Variants in MYO1E observed in about 807,000 individuals in gnomAD.
MYO1E encodes unconventional myosin-Ie.
Under a neutral mutation model 151.1 loss-of-function variants are expected in MYO1E, and 68 were observed. That is an observed-to-expected ratio of 0.45 (90% CI 0.37 to 0.55). MYO1E has a LOEUF of 0.55. Ranked by LOEUF, MYO1E falls within the 20% of genes least tolerant of loss-of-function variation. The probability of loss-of-function intolerance (pLI) is 0.00; values close to 1 mark genes in which losing one functional copy is unlikely to be tolerated. For missense variants in MYO1E, 1,363 were observed against 1,389.3 expected, an observed-to-expected ratio of 0.98 and a Z score of 0.30; for synonymous variants, 601 against 501.7, an observed-to-expected ratio of 1.20 and a Z score of -2.64.
intron 2 of MYO1E, among the ~76,000 whole-genome samples, chr15:59,262,453 AAAAAAC>A (rs530509447): frequency 2.6e-5 from 4 of 152,084 alleles, no homozygotes; most frequent in Non-Finnish European, 5.9e-5. Flanking sequence ...TCCATCTCTA[AAAAAAC>A]AAAAACAAAA....
chr15:59,193,464 G>A lies in MYO1E; in HGVS notation c.1805+1997C>T, dbSNP rs572940249. Reference sequence around the variant, plus strand: ...CTGCTACCCTCTTAGTCTGAAAGGAGAAGCGGAACTATACATTTCAGAAAA... The same window carrying A: ...CTGCTACCCTCTTAGTCTGAAAGGAAAAGCGGAACTATACATTTCAGAAAA... On this transcript the variant is annotated intron_variant, in intron 17 of 27. Transcript: ENST00000288235. Among the ~76,000 whole-genome samples, 16 of 152,284 alleles carry A rather than the reference G, an allele frequency of 1.1e-4. No homozygotes were observed. In the East Asian group the frequency reaches 2.5e-3, roughly 24 times the overall value.
intron 23 of MYO1E, among the ~76,000 whole-genome samples, chr15:59,161,881 C>T (rs187652292): frequency 2.6e-5 from 4 of 151,184 alleles, no homozygotes; most frequent in East Asian, 3.9e-4. Context: ...TTTCTGATAT[C>T]ATAAGAAGGA....
At chr15:59,189,117 A>G (rs1229051754) in intron 17 of MYO1E, among the ~76,000 whole-genome samples, 1 of 152,140 alleles carries the variant, frequency 6.6e-6, no homozygotes, top group Non-Finnish European at 1.5e-5. Context: ...GCTACATTGT[A>G]GTGATGTGAT....
chr15:59,325,520 C>G (rs571352743), intron 1 of MYO1E, among the ~76,000 whole-genome samples: 1 of 152,182 alleles, frequency 6.6e-6, no homozygotes, highest in African/African-American at 2.4e-5. Context: ...TATTTCAACT[C>G]CAGATTTTAT....
chr15:59,226,875 A>T (rs1464693224), intron 7 of MYO1E, among the ~76,000 whole-genome samples: 1 of 152,198 alleles, frequency 6.6e-6, no homozygotes, highest in Non-Finnish European at 1.5e-5. Context: ...CATAATCAAA[A>T]AGCACCCTGC....
chr15:59,365,208 AG>A (rs1431397022), intron 1 of MYO1E, among the ~76,000 whole-genome samples: 1 of 151,834 alleles, frequency 6.6e-6, no homozygotes, highest in African/African-American at 2.4e-5. Context: ...TAGTAGAGAC[AG>A]GGTTTCACCA....
Position 59,137,260 on chromosome 15 carries a change from T to C in MYO1E, c.*120A>G, listed in dbSNP as rs912742065. The C allele has an allele frequency of 1.1e-6, 1 of 905,460 alleles. No individual in the cohort carries two copies. Among genetic ancestry groups the C allele is most frequent in the East Asian group, 2.5e-5 (1 of 39,958 alleles). The allele number at this position is 905,460 out of a possible 1,614,324, so 56.1% of individuals were successfully genotyped here. A position where few individuals can be genotyped will look rare whatever the true frequency, so the allele number is the denominator to read the frequency against. On this transcript the variant is annotated 3_prime_UTR_variant, in exon 28 of 28. Transcript: ENST00000288235. ...GTCCTCCATGGGGAAGGTACCAGAATAGCTCCAGGCCTTGGAGAAGCAATT... is the reference window on the plus strand; with the variant it reads ...GTCCTCCATGGGGAAGGTACCAGAACAGCTCCAGGCCTTGGAGAAGCAATT...
chr15:59,189,496 T>C (rs1263532180), intron 17 of MYO1E, among the ~76,000 whole-genome samples: 2 of 130,880 alleles, frequency 1.5e-5, no homozygotes, highest in African/African-American at 5.1e-5. Flanking sequence ...TTCTTTCCTT[T>C]CTTTTTCTTT....
At chr15:59,177,964 A>G (rs1180073637) in intron 19 of MYO1E, among the ~76,000 whole-genome samples, 7 of 152,210 alleles carry the variant, frequency 4.6e-5, no homozygotes, top group African/African-American at 1.7e-4. Flanking sequence ...CTTGGTGTCA[A>G]CTAACCATGG....
intron 1 of MYO1E, among the ~76,000 whole-genome samples, chr15:59,331,424 A>G (rs2080697324): frequency 6.6e-6 from 1 of 152,228 alleles, no homozygotes; most frequent in South Asian, 2.1e-4. Flanking sequence ...GGTCAGCAAC[A>G]TATCAGAAAA....
At position 59,176,238 on chromosome 15, in the gene MYO1E, T is replaced by C. The variant is rs537074214; in HGVS notation, c.2050-1998A>G. On this transcript the variant is annotated intron_variant, in intron 19 of 27. Coordinates refer to ENST00000288235, the MANE Select transcript of MYO1E (RefSeq NM_004998.4). ...CATGCCCGGCTAATTTTTTTTGTAT[T>C]TTTAGTAGAGATGGGGTTTCGCCGT... 8.6e-4 allele frequency among the ~76,000 whole-genome samples: 131 copies of C among 152,118 alleles called. 1 individual carries two copies. Among genetic ancestry groups the C allele is most frequent in the African/African-American group, 3.0e-3 (125 of 41,486 alleles).
chr15:59,245,607 C>A (rs762573494), intron 4 of MYO1E, among the ~76,000 whole-genome samples: 16 of 152,190 alleles, frequency 1.1e-4, no homozygotes, highest in Non-Finnish European at 1.9e-4. Context: ...ACAACTGCGT[C>A]AGGATACTTC....
chr15:59,298,520 A>G (rs1159631466), intron 1 of MYO1E, among the ~76,000 whole-genome samples: 1 of 152,200 alleles, frequency 6.6e-6, no homozygotes, highest in South Asian at 2.1e-4. Context: ...GCATAGAAGG[A>G]AATCAGGTCT....
Position 59,352,999 on chromosome 15 carries a change from G to A in MYO1E, c.3+19499C>T, listed in dbSNP as rs145718542. 3.2e-3 allele frequency among the ~76,000 whole-genome samples: 481 copies of A among 152,144 alleles called. 2 individuals carry two copies. The highest frequency in any genetic ancestry group is 0.024 in the Middle Eastern group (7 of 294). On this transcript the variant is annotated intron_variant, in intron 1 of 27. Coordinates refer to ENST00000288235, the MANE Select transcript of MYO1E (RefSeq NM_004998.4). ...CCTAGCTCTAAATTTCCCAAACTCC[G>A]GTTTGCAGGGAAAGGAAGCATTTCT...
intron 1 of MYO1E, among the ~76,000 whole-genome samples, chr15:59,344,554 A>G (rs544257104): frequency 6.6e-6 from 1 of 152,334 alleles, no homozygotes; most frequent in Admixed American, 6.5e-5. Flanking sequence ...ACAATCATCA[A>G]GTAGTGAAGC....
intron 24 of MYO1E, 91 bp from the exon 25 acceptor site, chr15:59,158,470 C>G (rs2079520600): frequency 1.4e-5 from 14 of 989,414 alleles, no homozygotes; most frequent in South Asian, 1.2e-4. Flanking sequence ...TTTTGAGAAG[C>G]TTGGATTCCA....
At chr15:59,363,702 A>G (rs2080898018) in intron 1 of MYO1E, among the ~76,000 whole-genome samples, 1 of 152,184 alleles carries the variant, frequency 6.6e-6, no homozygotes, top group African/African-American at 2.4e-5. Flanking sequence ...GAATGAAATG[A>G]AATCATGTAT....
At chr15:59,321,829 G>C (rs1434427806) in intron 1 of MYO1E, among the ~76,000 whole-genome samples, 1 of 152,148 alleles carries the variant, frequency 6.6e-6, no homozygotes, top group Non-Finnish European at 1.5e-5. Context: ...TCACACCACT[G>C]CACTCCAGCC....
chr15:59,274,413 A>G (rs1030265678), intron 1 of MYO1E, among the ~76,000 whole-genome samples: 1 of 152,182 alleles, frequency 6.6e-6, no homozygotes, highest in Non-Finnish European at 1.5e-5. Context: ...TTCCAGCCAG[A>G]TAATTCCCAG....
Sources: allele counts gnomAD v4.1 joint callset (sites outside exome capture counted in the v4.1 genomes callset), GRCh38; gene constraint gnomAD v4.1.1; transcripts MANE v1.5; gene names NCBI Gene and HGNC (gene_info 2026-07-23, HGNC 2026-07-21).